PTPRM: variants seen among roughly 807,000 people sequenced by gnomAD.
The protein encoded by PTPRM is receptor-type tyrosine-protein phosphatase mu.
A neutral mutation model predicts 186.7 loss-of-function variants in PTPRM; 47 were observed. That is an observed-to-expected ratio of 0.25 (90% CI 0.20 to 0.32). PTPRM has a LOEUF of 0.32. Among genes scored for constraint, PTPRM ranks in the 10% least tolerant of loss-of-function variants. The pLI is 1.00. For missense variants in PTPRM, 1,494 were observed against 1,865.0 expected, an observed-to-expected ratio of 0.80 and a Z score of 3.66; for synonymous variants, 668 against 674.9, an observed-to-expected ratio of 0.99 and a Z score of 0.16.
chr18:7,994,525 CCTT>C (rs138681402), intron 7 of PTPRM, among the ~76,000 whole-genome samples: 159 of 152,242 alleles, frequency 1.0e-3, no homozygotes, highest in African/African-American at 3.6e-3. Context: ...GCAGAATACA[CCTT>C]CTTCTCGTCA....
At chr18:8,323,098 G>A (rs2148097361) in intron 22 of PTPRM, among the ~76,000 whole-genome samples, 1 of 152,178 alleles carries the variant, frequency 6.6e-6, no homozygotes, top group East Asian at 1.9e-4. Flanking sequence ...CAAAGCGCTG[G>A]GATTACAGGC....
chr18:7,572,960 A>C (rs1230121384), intron 1 of PTPRM, among the ~76,000 whole-genome samples: 2 of 152,204 alleles, frequency 1.3e-5, no homozygotes, highest in Non-Finnish European at 2.9e-5. Flanking sequence ...AGAAAGCCTG[A>C]GTTGACACTG....
intron 13 of PTPRM, among the ~76,000 whole-genome samples, chr18:8,115,507 G>A (rs558253723): frequency 8.5e-5 from 13 of 152,252 alleles, no homozygotes; most frequent in South Asian, 6.2e-4. Context: ...TGTTTTAACC[G>A]TCACATACAG....
At chr18:8,258,294 C>T (rs970635037) in intron 19 of PTPRM, among the ~76,000 whole-genome samples, 3 of 152,242 alleles carry the variant, frequency 2.0e-5, no homozygotes, top group Admixed American at 2.0e-4. Context: ...GAAGAGAGAG[C>T]GCTTCACTCA....
chr18:8,282,074 TA>T (rs2094909867), intron 19 of PTPRM, among the ~76,000 whole-genome samples: 1 of 152,086 alleles, frequency 6.6e-6, no homozygotes, highest in Non-Finnish European at 1.5e-5. Flanking sequence ...TAAAGAATTC[TA>T]AAAATTTAGT....
chr18:8,161,199 G>A (rs991779935), intron 14 of PTPRM, among the ~76,000 whole-genome samples: 1 of 152,176 alleles, frequency 6.6e-6, no homozygotes, highest in Non-Finnish European at 1.5e-5. Flanking sequence ...AGTGGTGTTG[G>A]CTCCTTGGGG....
chr18:7,952,697 A>G (rs2053048545), intron 6 of PTPRM, among the ~76,000 whole-genome samples: 1 of 150,002 alleles, frequency 6.7e-6, no homozygotes, highest in Non-Finnish European at 1.5e-5. Context: ...TCAAAAAAAA[A>G]AAAAAAGAAA....
At chr18:7,855,289 A>G (rs535747638) in intron 2 of PTPRM, among the ~76,000 whole-genome samples, 3 of 152,338 alleles carry the variant, frequency 2.0e-5, no homozygotes, top group African/African-American at 7.2e-5. Context: ...GTAGTGATTA[A>G]GGAGACATGG....
chr18:8,289,621 C>CATATAT (rs201779734), intron 19 of PTPRM, among the ~76,000 whole-genome samples: 3 of 126,606 alleles, frequency 2.4e-5, no homozygotes, highest in African/African-American at 1.0e-4. Context: ...TATATATACA[C>CATATAT]ATATATATAT....
chr18:8,159,020 A>C (rs1021137841), intron 14 of PTPRM, among the ~76,000 whole-genome samples: 1 of 152,210 alleles, frequency 6.6e-6, no homozygotes, highest in Non-Finnish European at 1.5e-5. Flanking sequence ...ATGTCAAGCA[A>C]GATTCATGAC....
intron 14 of PTPRM, among the ~76,000 whole-genome samples, chr18:8,156,276 T>C (rs962719551): frequency 2.0e-5 from 3 of 151,864 alleles, no homozygotes; most frequent in Admixed American, 6.6e-5. Context: ...AAAAAAAGAG[T>C]GTGGGGAACA....
chr18:8,082,325 T>C (rs1272090447), intron 9 of PTPRM, among the ~76,000 whole-genome samples: 1 of 152,160 alleles, frequency 6.6e-6, no homozygotes, highest in African/African-American at 2.4e-5. Context: ...GTGAATTGTA[T>C]GAATAGTCAC....
At chr18:8,226,928 G>T (rs1251688453) in intron 14 of PTPRM, among the ~76,000 whole-genome samples, 1 of 152,124 alleles carries the variant, frequency 6.6e-6, no homozygotes, top group Non-Finnish European at 1.5e-5. Context: ...AAGGCAGGAA[G>T]GGTGGGTTGA....
chr18:7,955,480 G>T, intron 7 of PTPRM, 66 bp downstream of exon 7: 2 of 1,538,680 alleles, frequency 1.3e-6, no homozygotes, highest in South Asian at 1.2e-5. Flanking sequence ...CAGCACTGGG[G>T]TTGATCAGAT....
At chr18:8,111,521 G>C (rs2091754255) in intron 11 of PTPRM, among the ~76,000 whole-genome samples, 1 of 152,042 alleles carries the variant, frequency 6.6e-6, no homozygotes, top group East Asian at 1.9e-4. Flanking sequence ...GCTGGGGTGG[G>C]AGAATGGCGT....
rs117529347 is a variant in PTPRM, at chr18:7,960,329, A to T, written c.1132+4915A>T. On this transcript the variant is annotated intron_variant, in intron 7 of 32. Coordinates refer to ENST00000580170, the MANE Select transcript of PTPRM (RefSeq NM_001105244.2). ...TGCACCTTAAAAAATTATCCATAAGATGCATATTGAGCATCCGTATTTGCC... is the reference window on the plus strand; with the variant it reads ...TGCACCTTAAAAAATTATCCATAAGTTGCATATTGAGCATCCGTATTTGCC... 6.6e-3 allele frequency among the ~76,000 whole-genome samples: 997 copies of T among 152,028 alleles called. 5 individuals carry two copies. The highest frequency in any genetic ancestry group is 0.013 in the Admixed American group (193 of 15,256).
chr18:7,605,965 A>T (rs1314446197), intron 1 of PTPRM, among the ~76,000 whole-genome samples: 1 of 152,142 alleles, frequency 6.6e-6, no homozygotes, highest in Non-Finnish European at 1.5e-5. Context: ...GTTTCTGGGG[A>T]TGAGCAGGAT....
At chr18:7,947,117 C>G in intron 5 of PTPRM, 1 of 419,568 alleles carries the variant, frequency 2.4e-6, no homozygotes, top group Non-Finnish European at 4.8e-6. Context: ...TCATATTCCT[C>G]AGTCTCAGGT....
intron 14 of PTPRM, among the ~76,000 whole-genome samples, chr18:8,156,513 C>T (rs1241041802): frequency 6.6e-6 from 1 of 152,108 alleles, no homozygotes; most frequent in Non-Finnish European, 1.5e-5. Flanking sequence ...GGTATATGTA[C>T]ATAGTTGGTC....
Sources: allele counts gnomAD v4.1 joint callset (sites outside exome capture counted in the v4.1 genomes callset), GRCh38; gene constraint gnomAD v4.1.1; transcripts MANE v1.5; gene names NCBI Gene and HGNC (gene_info 2026-07-23, HGNC 2026-07-21).